The following MXRA7 variants were observed in gnomAD, a reference collection of about 807,000 sequenced individuals.
MXRA7 encodes matrix remodeling associated 7, also known as matrix-remodeling-associated protein 7.
Under a neutral mutation model 17.4 loss-of-function variants are expected in MXRA7, and 18 were observed. That is an observed-to-expected ratio of 1.03 (90% CI 0.71 to 1.53). MXRA7 has a LOEUF of 1.53. Among genes scored for constraint, MXRA7 ranks in the 40% most tolerant of loss-of-function variants. MXRA7 has a pLI of 0.00. For missense variants in MXRA7, 141 were observed against 209.3 expected, an observed-to-expected ratio of 0.67 and a Z score of 2.01; for synonymous variants, 70 against 101.7, an observed-to-expected ratio of 0.69 and a Z score of 1.87.
chr17:76,692,287 C>T (rs1022133600), intron 1 of MXRA7, among the ~76,000 whole-genome samples: 1 of 148,848 alleles, frequency 6.7e-6, no homozygotes, highest in Non-Finnish European at 1.5e-5. Flanking sequence ...CAGTTTCACT[C>T]TTGTTGCCCA....
intron 3 of MXRA7, among the ~76,000 whole-genome samples, chr17:76,684,158 C>T (rs765583326): frequency 4.6e-5 from 7 of 152,108 alleles, no homozygotes; most frequent in African/African-American, 4.8e-5. Context: ...GAGGGCTGCC[C>T]GGCGGGTGGC....
At chr17:76,699,548 A>G (rs2076570242) in intron 1 of MXRA7, among the ~76,000 whole-genome samples, 1 of 152,146 alleles carries the variant, frequency 6.6e-6, no homozygotes, top group East Asian at 1.9e-4. Flanking sequence ...TTCAATTTCA[A>G]TAATCTCTGT....
intron 2 of MXRA7, among the ~76,000 whole-genome samples, chr17:76,687,558 T>C (rs1002625907): frequency 5.3e-5 from 8 of 152,220 alleles, no homozygotes; most frequent in African/African-American, 1.9e-4. Flanking sequence ...ACTCCATGTT[T>C]GGTTCCGCCT....
intron 1 of MXRA7, among the ~76,000 whole-genome samples, chr17:76,704,140 C>T (rs899164061): frequency 6.6e-6 from 1 of 151,652 alleles, no homozygotes; most frequent in South Asian, 2.1e-4. Flanking sequence ...CTTCTACCAC[C>T]CCGCAGCAGG....
chr17:76,688,381 G>A (rs1294597400), intron 1 of MXRA7: 2 of 1,433,690 alleles, frequency 1.4e-6, no homozygotes, highest in Non-Finnish European at 9.1e-7. Flanking sequence ...GCTCACAAAT[G>A]CTGAGCTGAG....
In MXRA7 at chr17:76,697,396, C is replaced by T. The variant is rs534647755; in HGVS notation, c.343-9220G>A. Among the ~76,000 whole-genome samples, 4 of 152,262 alleles carry T rather than the reference C, an allele frequency of 2.6e-5. No individual in the cohort carries two copies. The South Asian group carries it at 8.3e-4, about 32-fold the overall frequency. ...AGAAACGTCTGTTGCTGAAGGTGCC[C>T]GGTCTGTGGTGTTTTGTTATAGCAG... On this transcript the variant is annotated intron_variant, in intron 1 of 3. Coordinates refer to ENST00000449428, the MANE Select transcript of MXRA7 (RefSeq NM_198530.4).
At chr17:76,689,964 T>C (rs935232988) in intron 1 of MXRA7, 1 of 150,402 alleles carries the variant, frequency 6.6e-6, no homozygotes, top group East Asian at 1.9e-4. Flanking sequence ...TAAGCCAAGA[T>C]TGCGCCATTG....
At chr17:76,705,940 T>C (rs2143685329) in intron 1 of MXRA7, among the ~76,000 whole-genome samples, 1 of 152,358 alleles carries the variant, frequency 6.6e-6, no homozygotes, top group African/African-American at 2.4e-5. Context: ...ACTTGGCTTC[T>C]GAGATTTTGC....
At chr17:76,677,843 AAAT>A, downstream of MXRA7, 1 of 623,836 alleles carries the variant, frequency 1.6e-6, no homozygotes, top group Non-Finnish European at 2.9e-6. Context: ...AAGAAAATGA[AAAT>A]AAAACCCACT....
intron 1 of MXRA7, among the ~76,000 whole-genome samples, chr17:76,690,874 T>C (rs1038470762): frequency 6.6e-6 from 1 of 152,088 alleles, no homozygotes; most frequent in Non-Finnish European, 1.5e-5. Flanking sequence ...TGCCCAGCCC[T>C]GACACTGAGC....
intron 1 of MXRA7, among the ~76,000 whole-genome samples, chr17:76,690,412 G>GA (rs1157659445): frequency 2.0e-5 from 3 of 150,638 alleles, no homozygotes; most frequent in South Asian, 4.2e-4. Flanking sequence ...TTCTAAAAAA[G>GA]AAAAAAAAAG....
intron 1 of MXRA7, among the ~76,000 whole-genome samples, chr17:76,697,795 C>A (rs2076547860): frequency 6.6e-6 from 1 of 152,144 alleles, no homozygotes; most frequent in Admixed American, 6.6e-5. Context: ...CACAGTGAAC[C>A]AAGCTCACGC....
chr17:76,679,281 C>A (rs1256950236), downstream of MXRA7, among the ~76,000 whole-genome samples: 2 of 97,568 alleles, frequency 2.0e-5, no homozygotes, highest in African/African-American at 7.7e-5. Context: ...GAGGGAGGCC[C>A]TGTCTCAAAA....
chr17:76,691,706 G>T (rs528364080), intron 1 of MXRA7, among the ~76,000 whole-genome samples: 2 of 152,240 alleles, frequency 1.3e-5, no homozygotes, highest in South Asian at 4.1e-4. Context: ...AGTGTTGTGT[G>T]CATGGACAGA....
downstream of MXRA7, chr17:76,679,541 C>A (rs2076271325): frequency 2.1e-6 from 2 of 952,258 alleles, no homozygotes; most frequent in Non-Finnish European, 2.5e-6. Context: ...TGTTTTAAAA[C>A]AAAGCAAACT....
chr17:76,689,129 G>GCA (rs1427849093), intron 1 of MXRA7: 1 of 152,372 alleles, frequency 6.6e-6, no homozygotes. Context: ...GGCTCTTGTT[G>GCA]CCCAGGCTGG....
intron 1 of MXRA7, among the ~76,000 whole-genome samples, chr17:76,699,201 G>C (rs1474068851): frequency 6.6e-6 from 1 of 152,142 alleles, no homozygotes; most frequent in African/African-American, 2.4e-5. Flanking sequence ...CTGGAGTGCA[G>C]TGGTGCAATC....
At chr17:76,710,571 G>A (rs2076708663) in intron 1 of MXRA7, 34 bp downstream of exon 1, 13 of 1,264,400 alleles carry the variant, frequency 1.0e-5, no homozygotes, top group Admixed American at 4.2e-5. Context: ...AGCCCCGGGG[G>A]TGGGGAGGGG....
chr17:76,702,267 G>C (rs1470417944), intron 1 of MXRA7, among the ~76,000 whole-genome samples: 1 of 152,222 alleles, frequency 6.6e-6, no homozygotes, highest in African/African-American at 2.4e-5. Flanking sequence ...ACAGCCTCAG[G>C]AGGCAGAGGC....
Sources: allele counts gnomAD v4.1 joint callset (sites outside exome capture counted in the v4.1 genomes callset), GRCh38; gene constraint gnomAD v4.1.1; transcripts MANE v1.5; gene names NCBI Gene and HGNC (gene_info 2026-07-23, HGNC 2026-07-21).